DRGX: variants seen among roughly 807,000 people sequenced by gnomAD.
DRGX encodes the protein dorsal root ganglia homeobox, also known as dorsal root ganglia homeobox protein.
Under a neutral mutation model 28.6 loss-of-function variants are expected in DRGX, and 21 were observed. That is an observed-to-expected ratio of 0.73 (90% CI 0.52 to 1.06). The LOEUF is 1.06. Ranked by LOEUF, DRGX falls within the 50% of genes least tolerant of loss-of-function variation. The pLI, the probability that DRGX is intolerant of heterozygous loss-of-function variation, is 0.00. For synonymous variants in DRGX, 136 were observed against 139.1 expected, an observed-to-expected ratio of 0.98 and a Z score of 0.16; for missense variants, 354 against 343.9, an observed-to-expected ratio of 1.03 and a Z score of -0.23.
intron 6 of DRGX, among the ~76,000 whole-genome samples, chr10:49,366,770 G>T (rs1366194522): frequency 6.6e-6 from 1 of 152,206 alleles, no homozygotes; most frequent in Non-Finnish European, 1.5e-5. Flanking sequence ...GCACCCCTAA[G>T]AACTCACTGG....
At chr10:49,382,971 T>G (rs752685284) in intron 6 of DRGX, among the ~76,000 whole-genome samples, 1 of 152,082 alleles carries the variant, frequency 6.6e-6, no homozygotes, top group Non-Finnish European at 1.5e-5. Flanking sequence ...CGAAGCTGAC[T>G]ATGCCGCAAG....
In DRGX at chr10:49,364,800, A is replaced by G. The variant is rs1360266884; in HGVS notation, c.*1316T>C. The G allele has an allele frequency of 1.3e-5, 2 of 152,274 alleles. No individual in the cohort carries two copies. Among genetic ancestry groups the G allele is most frequent in the Non-Finnish European group, 2.9e-5 (2 of 68,082 alleles). 9.4% of individuals were successfully genotyped at this position (152,274 alleles called of 1,614,324 possible). A position where few individuals can be genotyped will look rare whatever the true frequency, so the allele number is the denominator to read the frequency against. ...AGGTAAAAAGGGGACAGGAAATGTG[A>G]AAGTAAAACATTTTGACGATAATAA... is the stretch of plus-strand genomic sequence containing the variant. On this transcript the variant is annotated 3_prime_UTR_variant, in exon 7 of 7. Transcript: ENST00000374139.
At position 49,386,802 on chromosome 10, in the gene DRGX, G is replaced by A. The variant is rs1442919055; in HGVS notation, c.291C>T (p.Asp97=). ...TGGGCTCCTTGGCTCCTGGCTCCTG[G>A]TCTGAGGCCCCTCTCTCTGTCTTCC... ...KWRKTERGAS[D]QEPGAKEPMA... Residue 97 remains aspartate, a synonymous_variant, in exon 5 of 7, where the codon GAC becomes GAT. Transcript: ENST00000374139. 2 of 1,603,032 alleles carry A rather than the reference G, an allele frequency of 1.2e-6. No individual in the cohort carries two copies. The highest frequency in any genetic ancestry group is 2.2e-5 in the South Asian group (2 of 89,306).
At chr10:49,370,424 T>C (rs920432040) in intron 6 of DRGX, among the ~76,000 whole-genome samples, 1 of 152,238 alleles carries the variant, frequency 6.6e-6, no homozygotes, top group Admixed American at 6.5e-5. Flanking sequence ...AAAAGAGCCT[T>C]GGGCACACAG....
At chr10:49,395,826 C>A in intron 1 of DRGX, 109 bp downstream of exon 1, 1 of 291,232 alleles carries the variant, frequency 3.4e-6, no homozygotes, top group Non-Finnish European at 6.5e-6. Context: ...GCAGCCAGGT[C>A]CGGCTAGCGC....
chr10:49,394,172 G>A (rs1849940919), intron 2 of DRGX, among the ~76,000 whole-genome samples: 1 of 152,142 alleles, frequency 6.6e-6, no homozygotes, highest in Non-Finnish European at 1.5e-5. Flanking sequence ...AGGCAAATGT[G>A]TGGCCTTCCC....
intron 6 of DRGX, among the ~76,000 whole-genome samples, chr10:49,384,879 A>G: frequency 6.6e-6 from 1 of 152,176 alleles, no homozygotes; most frequent in Non-Finnish European, 1.5e-5. Flanking sequence ...CGTGGGAATC[A>G]CTTCCTATTC....
intron 4 of DRGX, 142 bp downstream of exon 4, chr10:49,389,991 A>C: frequency 1.5e-6 from 1 of 678,352 alleles, no homozygotes; most frequent in Non-Finnish European, 2.4e-6. Context: ...CATTATGTTG[A>C]TGTTATTAAA....
chr10:49,373,265 A>G (rs1849680177), intron 6 of DRGX, among the ~76,000 whole-genome samples: 1 of 152,340 alleles, frequency 6.6e-6, no homozygotes, highest in Non-Finnish European at 1.5e-5. Flanking sequence ...AACTACGACA[A>G]ATTATATTAA....
At chr10:49,386,884 C>T (rs1398079595) in intron 4 of DRGX, 26 bp from the exon 5 acceptor site, 4 of 1,519,272 alleles carry the variant, frequency 2.6e-6, no homozygotes, top group African/African-American at 1.4e-5. Context: ...AAACATACAC[C>T]CAGTGAAAAT....
At chr10:49,385,438 C>T (rs1382529646) in intron 6 of DRGX, among the ~76,000 whole-genome samples, 1 of 152,146 alleles carries the variant, frequency 6.6e-6, no homozygotes, top group African/African-American at 2.4e-5. Flanking sequence ...CCCTCCTCGC[C>T]CCTGGAACTC....
intron 6 of DRGX, among the ~76,000 whole-genome samples, chr10:49,373,447 C>A (rs766610469): frequency 4.6e-5 from 7 of 151,978 alleles, no homozygotes; most frequent in Non-Finnish European, 7.4e-5. Context: ...TGGTGATGTC[C>A]CCCCACCCCA....
At chr10:49,376,413 GC>G (rs1849717454) in intron 6 of DRGX, among the ~76,000 whole-genome samples, 1 of 152,184 alleles carries the variant, frequency 6.6e-6, no homozygotes, top group Non-Finnish European at 1.5e-5. Context: ...AGACTGTGTT[GC>G]TTTCCTGGAG....
intron 4 of DRGX, among the ~76,000 whole-genome samples, chr10:49,388,143 T>C (rs768420783): frequency 1.3e-5 from 2 of 152,216 alleles, no homozygotes; most frequent in Non-Finnish European, 2.9e-5. Flanking sequence ...CTTTAAGCCT[T>C]AGAAACCAAA....
rs953984042 is a variant in DRGX at position 49,381,265 on chromosome 10, G to A, written c.526+5213C>T. The stretch of plus-strand genomic sequence containing the variant: ...GGGGCAGCCCGAGGGCCATCCAGGC[G>A]CCCACCTGGTAACCCTGCAGACTGG... On this transcript the variant is annotated intron_variant, in intron 6 of 6. Transcript: ENST00000374139. 3.9e-5 allele frequency among the ~76,000 whole-genome samples: 6 copies of A among 152,326 alleles called. No homozygotes were observed. The East Asian group carries it at 7.7e-4, about 20-fold the overall frequency.
chr10:49,389,351 A>T (rs1009839994), intron 4 of DRGX, among the ~76,000 whole-genome samples: 7 of 152,198 alleles, frequency 4.6e-5, no homozygotes, highest in African/African-American at 1.7e-4. Context: ...ATCTTTGCAT[A>T]GTCTTAACCC....
In DRGX at chr10:49,386,878, A is replaced by G; in HGVS notation, c.235-20T>C. The G allele has an allele frequency of 2.0e-6, 3 of 1,523,816 alleles. No homozygotes were observed. The highest frequency in any genetic ancestry group is 1.3e-5 in the South Asian group (1 of 75,464). 94.4% of individuals were successfully genotyped at this position (1,523,816 alleles called of 1,614,324 possible). ...CCAAACCTGAATCCCAGATGGAAAC[A>G]TACACCCAGTGAAAATCAAACAGGA... On this transcript the variant is annotated intron_variant, in intron 4 of 6. Coordinates refer to ENST00000374139, the MANE Select transcript of DRGX (RefSeq NM_001276451.2).
chr10:49,387,409 A>T (rs948770538), intron 4 of DRGX, among the ~76,000 whole-genome samples: 1 of 152,188 alleles, frequency 6.6e-6, no homozygotes, highest in African/African-American at 2.4e-5. Flanking sequence ...ATGCAGTCCC[A>T]GGACTTTCGG....
rs1183023701 is a variant in DRGX at position 49,366,232 on chromosome 10, G to T, written c.676C>A (p.Leu226Ile). 6.2e-7 allele frequency: 1 copy of T among 1,613,950 alleles called. No homozygotes were observed. The highest frequency in any genetic ancestry group is 1.7e-5 in the Admixed American group (1 of 60,032). Residue 226 changes from leucine (L) to isoleucine (I), a missense_variant, in exon 7 of 7, where the codon CTC becomes ATC. Leu to Ile is a conservative substitution (Grantham distance 5). Coordinates refer to ENST00000374139, the MANE Select transcript of DRGX (RefSeq NM_001276451.2). ...HSEAVLQSANLLPSTSSSPGP... is the reference protein window; with the variant it reads ...HSEAVLQSANILPSTSSSPGP... The stretch of plus-strand genomic sequence containing the variant: ...GGGCTGCTGCTGGTGGAAGGCAGGA[G>T]GTTGGCTGACTGCAGGACAGCTTCT...
Sources: allele counts gnomAD v4.1 joint callset (sites outside exome capture counted in the v4.1 genomes callset), GRCh38; gene constraint gnomAD v4.1.1; transcripts MANE v1.5; gene names NCBI Gene and HGNC (gene_info 2026-07-23, HGNC 2026-07-21).